Variants in BDP1 observed in about 807,000 individuals in gnomAD.
BDP1 encodes the protein BDP1 general transcription factor IIIB subunit.
Under a neutral mutation model 266.6 loss-of-function variants are expected in BDP1, and 169 were observed. The observed-to-expected ratio is 0.63, with a 90% CI of 0.56 to 0.72. BDP1 has a LOEUF of 0.72. Ranked by LOEUF, BDP1 falls within the 30% of genes least tolerant of loss-of-function variation. BDP1 has a pLI of 0.00. For synonymous variants in BDP1, 1,090 were observed against 1,022.4 expected, an observed-to-expected ratio of 1.07 and a Z score of -1.26; for missense variants, 3,015 against 3,053.8, an observed-to-expected ratio of 0.99 and a Z score of 0.30.
At position 71,509,783 on chromosome 5, in the gene BDP1, A is replaced by G. The variant is rs1243812578; in HGVS notation, c.2691A>G (p.Glu897=). ...TAGATGTGATTGATGACACCATAGA[A>G]ATGGAGACAGGTCTGAAAGCAATGG... is the stretch of plus-strand genomic sequence containing the variant. ...KILDVIDDTI[E]METGLKAMGR... The change falls in exon 17 of 39, where the codon GAA becomes GAG. Residue 897 remains glutamate, a synonymous_variant. Transcript: ENST00000358731. 2 of 1,614,084 alleles carry G rather than the reference A, an allele frequency of 1.2e-6. No homozygotes were observed. Among genetic ancestry groups the G allele is most frequent in the African/African-American group, 1.3e-5 (1 of 74,944 alleles).
In BDP1 at chr5:71,514,950, G is replaced by C. The variant is rs1344407693; in HGVS notation, c.4477G>C (p.Ala1493Pro). The change falls in exon 20 of 39, where the codon GCT (alanine) becomes CCT (proline). Residue 1493 changes from alanine to proline, a missense_variant. Transcript: ENST00000358731. ...TTTTTTTTCTGTCTTCTAGGATGAAGCTTCCCTAATGATATCAAGAGAAAA... is the reference window on the plus strand; with the variant it reads ...TTTTTTTTCTGTCTTCTAGGATGAACCTTCCCTAATGATATCAAGAGAAAA... ...TDTLPSQHDE[A>P]SLMISREKDT... 3 of 1,597,010 alleles carry C rather than the reference G, an allele frequency of 1.9e-6. No homozygotes were observed. The highest frequency in any genetic ancestry group is 2.6e-6 in the Non-Finnish European group (3 of 1,175,096).
chr5:71,529,373 G>T (rs1484835090), intron 25 of BDP1, among the ~76,000 whole-genome samples: 1 of 150,442 alleles, frequency 6.6e-6, no homozygotes, highest in East Asian at 1.9e-4. Flanking sequence ...CTGGGCGAAA[G>T]AGCGAAGCTC....
chr5:71,456,643 C>T (rs1428744093), intron 1 of BDP1, among the ~76,000 whole-genome samples: 1 of 152,126 alleles, frequency 6.6e-6, no homozygotes, highest in Non-Finnish European at 1.5e-5. Context: ...CTCTTTTAGT[C>T]TACAGGTAAA....
At chr5:71,512,797 G>C (rs1228315469) in intron 18 of BDP1, among the ~76,000 whole-genome samples, 1 of 152,114 alleles carries the variant, frequency 6.6e-6, no homozygotes, top group Non-Finnish European at 1.5e-5. Flanking sequence ...GCTCACACCT[G>C]TAATCCTAGC....
chr5:71,480,866 A>G (rs1173558513), intron 7 of BDP1, among the ~76,000 whole-genome samples: 1 of 152,264 alleles, frequency 6.6e-6, no homozygotes, highest in South Asian at 2.1e-4. Context: ...TGCCCGGCCA[A>G]CCGTGAGTTT....
the BDP1 span, among the ~76,000 whole-genome samples, chr5:71,575,530 A>G: frequency 6.6e-6 from 1 of 152,202 alleles, no homozygotes. Flanking sequence ...CTGCTGCATG[A>G]TTTAAGAGCT....
intron 11 of BDP1, 123 bp from the exon 12 acceptor site, chr5:71,495,127 C>A: frequency 1.9e-6 from 1 of 521,342 alleles, no homozygotes; most frequent in Non-Finnish European, 3.1e-6. Context: ...GTTTGTATTA[C>A]TCTATAATGT....
At chr5:71,512,517 G>A in intron 18 of BDP1, 89 bp downstream of exon 18, 1 of 861,000 alleles carries the variant, frequency 1.2e-6, no homozygotes. Context: ...AACATATACA[G>A]GATAGTGTTA....
Position 71,495,013 on chromosome 5 carries a change from C to G in BDP1, c.1641-237C>G, listed in dbSNP as rs914788514. The G allele has an allele frequency of 2.1e-5, 6 of 291,294 alleles. No homozygotes were observed. In the Admixed American group the frequency reaches 3.0e-4, roughly 15 times the overall value. The allele number at this position is 291,294 out of a possible 1,614,324, so 18.0% of individuals were successfully genotyped here. A position where few individuals can be genotyped will look rare whatever the true frequency, so the allele number is the denominator to read the frequency against. On this transcript the variant is annotated intron_variant, in intron 11 of 38. Transcript: ENST00000358731. ...TTGTCCGGCCTTCATTTTGAAACTT[C>G]TTGAGCATGTTCCTAAGCGTGTAAA...
Position 71,517,237 on chromosome 5 carries a change from A to T in BDP1, c.4861-85A>T. On this transcript the variant is annotated intron_variant, in intron 21 of 38. Transcript: ENST00000358731. ...TTTAAAAAAGAAAAGGGATTTTAAA[A>T]AACTAAATATCTTAATGGTGGAAAT... is the stretch of plus-strand genomic sequence containing the variant. 2.6e-6 allele frequency: 3 copies of T among 1,171,226 alleles called. No individual in the cohort carries two copies. The South Asian group carries it at 4.6e-5, about 18-fold the overall frequency. The allele number at this position is 1,171,226 out of a possible 1,614,324, so 72.6% of individuals were successfully genotyped here. A position where few individuals can be genotyped will look rare whatever the true frequency, so the allele number is the denominator to read the frequency against.
In BDP1 at chr5:71,566,100, G is replaced by A. The variant is rs1427686145; in HGVS notation, c.*1215G>A. ...TGTTTTGAATACCTTTTTCCCCTCA[G>A]TTTAGTATATTGACTTTGTACTGTA... On this transcript the variant is annotated 3_prime_UTR_variant, in exon 39 of 39. Coordinates refer to ENST00000358731, the MANE Select transcript of BDP1 (RefSeq NM_018429.3). 3 of 172,610 alleles carry A rather than the reference G, an allele frequency of 1.7e-5. No individual in the cohort carries two copies. Among genetic ancestry groups the A allele is most frequent in the African/African-American group, 7.2e-5 (3 of 41,598 alleles). 10.7% of individuals were successfully genotyped at this position (172,610 alleles called of 1,614,324 possible).
chr5:71,571,825 T>G (rs537827751), downstream of BDP1, among the ~76,000 whole-genome samples: 6 of 152,170 alleles, frequency 3.9e-5, no homozygotes, highest in Non-Finnish European at 5.9e-5. Flanking sequence ...TTTCACCATG[T>G]CGGCCAGGTT....
chr5:71,522,908 A>G lies in BDP1; in HGVS notation c.5346A>G (p.Pro1782=), dbSNP rs777119524. ...VGEETVGDNS[P]SSVVEEQYLN... ...AGGAAACTGTAGGAGATAATTCACC[A>G]TCTTCAGTTGTTGAAGAGCAATATC... Residue 1782 remains proline, a synonymous_variant, in exon 24 of 39, where the codon CCA becomes CCG. Coordinates refer to ENST00000358731, the MANE Select transcript of BDP1 (RefSeq NM_018429.3). 4.4e-6 allele frequency: 7 copies of G among 1,606,312 alleles called. No homozygotes were observed. The African/African-American group carries it at 6.7e-5, about 15-fold the overall frequency.
intron 25 of BDP1, among the ~76,000 whole-genome samples, chr5:71,529,206 A>G (rs976851998): frequency 6.6e-4 from 101 of 152,118 alleles, no homozygotes; most frequent in African/African-American, 2.3e-3. Context: ...CCTGGCCAAC[A>G]TGGTGAAACC....
chr5:71,517,422 T>C lies in BDP1; in HGVS notation c.4961T>C (p.Leu1654Pro). ...AGTCAGGTGGTTCTTGTAGAAAACC[T>C]TCATGTTAACAAAACAAATGAAACA... ...NQSQVVLVEN[L>P]HVNKTNETIR... The change falls in exon 22 of 39, where the codon CTT (leucine) becomes CCT (proline). Residue 1654 changes from leucine to proline, a missense_variant. By Grantham distance (98) the Leu-to-Pro change is moderately conservative (BLOSUM62 -3). Transcript: ENST00000358731. 1 of 1,598,170 alleles carries C rather than the reference T, an allele frequency of 6.3e-7. No individual in the cohort carries two copies. The highest frequency in any genetic ancestry group is 1.1e-5 in the South Asian group (1 of 87,056).
chr5:71,470,287 G>A (rs1171410661), intron 6 of BDP1, 108 bp from the exon 7 acceptor site: 6 of 792,778 alleles, frequency 7.6e-6, no homozygotes, highest in Non-Finnish European at 1.2e-5. Context: ...GGTATTGCAT[G>A]GGGATCTTTC....
chr5:71,460,322 G>A lies in BDP1; in HGVS notation c.489+1467G>A, dbSNP rs1003975960. On this transcript the variant is annotated intron_variant, in intron 2 of 38. Coordinates refer to ENST00000358731, the MANE Select transcript of BDP1 (RefSeq NM_018429.3). ...TTGAACCTGGGAGGCAGAGGTTGCG[G>A]TGAGCCAAAATCGTGCCATTGCACT... Among the ~76,000 whole-genome samples, 3 of 152,240 alleles carry A rather than the reference G, an allele frequency of 2.0e-5. No homozygotes were observed. The East Asian group carries it at 5.8e-4, about 29-fold the overall frequency.
chr5:71,463,829 T>TAAA (rs5868597), intron 3 of BDP1, among the ~76,000 whole-genome samples: 1 of 144,440 alleles, frequency 6.9e-6, no homozygotes. Flanking sequence ...GTTGTTGTAT[T>TAAA]AAAAAAAAAA....
chr5:71,516,380 A>T, intron 21 of BDP1, 109 bp downstream of exon 21: 1 of 759,406 alleles, frequency 1.3e-6, no homozygotes, highest in Admixed American at 3.2e-5. Context: ...ATTCTACTCA[A>T]TGAATACAGT....
Sources: gnomAD v4.1 joint callset for allele counts (sites outside exome capture counted in the v4.1 genomes callset) on GRCh38, gnomAD v4.1.1 for gene constraint, MANE v1.5 for transcripts, NCBI Gene and HGNC (gene_info 2026-07-23, HGNC 2026-07-21) for gene names.